Variants in NFIA observed in about 807,000 individuals in gnomAD.
NFIA encodes nuclear factor 1 A-type.
A neutral mutation model predicts 62.8 loss-of-function variants in NFIA; 8 were observed. The ratio of observed to expected loss-of-function variants is 0.13; its 90% CI spans 0.07 to 0.23. The LOEUF (loss-of-function observed/expected upper bound fraction) is 0.23. NFIA is among the 10% of genes least tolerant of loss of function. NFIA has a pLI of 1.00. For synonymous variants in NFIA, 235 were observed against 238.1 expected (o/e 0.99, Z 0.12); for missense variants, 410 against 642.1 (o/e 0.64, Z 3.91).
At chr1:61,389,089 G>T (rs1281433456) in intron 7 of NFIA, among the ~76,000 whole-genome samples, 1 of 152,152 alleles carries the variant, frequency 6.6e-6, no homozygotes, top group South Asian at 2.1e-4. Context: ...CTGAGCAACA[G>T]AGAAAGACCC....
chr1:61,324,902 C>T (rs867636762), intron 3 of NFIA, among the ~76,000 whole-genome samples: 3 of 152,176 alleles, frequency 2.0e-5, no homozygotes, highest in Admixed American at 1.3e-4. Flanking sequence ...GTATGACTGA[C>T]TCCAAGGTAT....
At chr1:61,278,680 A>G (rs1001720222) in intron 3 of NFIA, among the ~76,000 whole-genome samples, 1 of 152,170 alleles carries the variant, frequency 6.6e-6, no homozygotes. Context: ...AATCCCAGCT[A>G]CTTGGGAGGC....
At chr1:61,347,237 G>T (rs1452727600) in intron 4 of NFIA, among the ~76,000 whole-genome samples, 1 of 127,326 alleles carries the variant, frequency 7.9e-6, no homozygotes, top group Admixed American at 1.0e-4. Context: ...GCAGTGGCAC[G>T]ATCTGGGCTC....
chr1:61,231,523 A>C (rs1654668027), intron 2 of NFIA, among the ~76,000 whole-genome samples: 1 of 151,554 alleles, frequency 6.6e-6, no homozygotes, highest in South Asian at 2.1e-4. Context: ...TGTAAAATTC[A>C]GATCCATTCA....
chr1:61,385,797 A>G (rs938690695), intron 7 of NFIA: 1 of 152,166 alleles, frequency 6.6e-6, no homozygotes, highest in Non-Finnish European at 1.5e-5. Context: ...CATTCATAAA[A>G]CTGTGTTTGA....
Position 61,088,264 on chromosome 1 carries a change from T to C in NFIA, c.143T>C (p.Met48Thr). 6.2e-7 allele frequency: 1 copy of C among 1,613,456 alleles called. No homozygotes were observed. Among genetic ancestry groups the C allele is most frequent in the African/African-American group, 1.3e-5 (1 of 74,778 alleles). ...TACTTCAAAAAACATGAAAAGCGTATGTCAAAAGAAGAAGAGAGAGCCGTG... is the reference window on the plus strand; with the variant it reads ...TACTTCAAAAAACATGAAAAGCGTACGTCAAAAGAAGAAGAGAGAGCCGTG... ...RKYFKKHEKRMSKEEERAVKD... is the reference protein window; with the variant it reads ...RKYFKKHEKRTSKEEERAVKD... The change falls in exon 2 of 11, where the codon ATG (methionine) becomes ACG (threonine). Residue 48 changes from methionine to threonine, a missense_variant. Transcript: ENST00000403491. The surrounding 1 kb of genome is among the most constrained non-coding windows in gnomAD (Gnocchi z 4.5).
intron 3 of NFIA, among the ~76,000 whole-genome samples, chr1:61,285,441 C>T (rs1407943871): frequency 1.3e-5 from 2 of 152,190 alleles, no homozygotes; most frequent in African/African-American, 2.4e-5. Flanking sequence ...TATTAGTAAA[C>T]TGAATGTAAT....
At chr1:61,191,827 C>T (rs1163272952) in intron 2 of NFIA, among the ~76,000 whole-genome samples, 2 of 147,780 alleles carry the variant, frequency 1.4e-5, no homozygotes, top group Admixed American at 6.7e-5. Context: ...CTTCTAGATG[C>T]TAAGTAACTC....
At chr1:61,343,238 A>G (rs1454690013) in intron 4 of NFIA, among the ~76,000 whole-genome samples, 1 of 152,244 alleles carries the variant, frequency 6.6e-6, no homozygotes, top group African/African-American at 2.4e-5. Flanking sequence ...AAGCCTGAAT[A>G]CACTTAATTT....
At chr1:61,319,751 T>C (rs1223365747) in intron 3 of NFIA, among the ~76,000 whole-genome samples, 2 of 150,380 alleles carry the variant, frequency 1.3e-5, no homozygotes, top group African/African-American at 4.9e-5. Context: ...AGAATGGATA[T>C]GGAAGAAATC....
At chr1:61,225,415 T>A (rs1411304187) in intron 2 of NFIA, among the ~76,000 whole-genome samples, 1 of 152,074 alleles carries the variant, frequency 6.6e-6, no homozygotes, top group Non-Finnish European at 1.5e-5. Context: ...CATGCCCAGC[T>A]AATTTTTGTA....
In NFIA at chr1:61,331,803, T is replaced by C. The variant is rs565116719; in HGVS notation, c.626-709T>C. Among the ~76,000 whole-genome samples the C allele has an allele frequency of 1.5e-4, 23 of 152,226 alleles. 1 individual carries two copies. Among genetic ancestry groups the C allele is most frequent in the African/African-American group, 5.3e-4 (22 of 41,534 alleles). On this transcript the variant is annotated intron_variant, in intron 3 of 10. Coordinates refer to ENST00000403491, the MANE Select transcript of NFIA (RefSeq NM_001134673.4). ...AGTTGGTGATCGACATAATACCAGG[T>C]GTCTTAAAGGGAATTAATTGCATCC...
rs529976028 is a variant in NFIA, at chr1:61,084,434, T to C, written c.27+1616T>C. ...TAGTTACTGTAAAAGTTTTTTTTTT[T>C]TTTCCTAACAAACTTCCAAAGTTCC... On this transcript the variant is annotated intron_variant, in intron 1 of 10. Transcript: ENST00000403491. 6.6e-5 allele frequency among the ~76,000 whole-genome samples: 10 copies of C among 152,294 alleles called. No homozygotes were observed. The South Asian group carries it at 1.2e-3, about 19-fold the overall frequency.
intron 2 of NFIA, among the ~76,000 whole-genome samples, chr1:61,119,918 G>C (rs368224987): frequency 6.6e-6 from 1 of 152,124 alleles, no homozygotes; most frequent in Non-Finnish European, 1.5e-5. Flanking sequence ...CTTTGATATT[G>C]TTTGAAAAAT....
intron 5 of NFIA, among the ~76,000 whole-genome samples, chr1:61,357,163 A>G (rs11207726): frequency 0.036 from 5,516 of 152,292 alleles, 332 homozygotes; most frequent in African/African-American, 0.13. Context: ...CAGTTCTCTG[A>G]ACATATCACA....
chr1:61,452,949 G>A (rs970276780), intron 10 of NFIA, among the ~76,000 whole-genome samples: 6 of 152,212 alleles, frequency 3.9e-5, no homozygotes, highest in African/African-American at 7.2e-5. Context: ...AAAAAGAGGT[G>A]GGGGGCTGAT....
intron 2 of NFIA, among the ~76,000 whole-genome samples, chr1:61,096,856 AT>A (rs1200369317): frequency 2.0e-5 from 3 of 152,022 alleles, no homozygotes; most frequent in Admixed American, 2.0e-4. Flanking sequence ...TGGCGACAAG[AT>A]TAGTTCTTAA....
Position 61,427,127 on chromosome 1 carries a change from A to G in NFIA, c.1512+571A>G, listed in dbSNP as rs139800919. ...GTGCGGTGGGTGGCAAGGGGTGTGT[A>G]TGAGTCATATCTGAAGCAGGTGATT... is the stretch of plus-strand genomic sequence containing the variant. On this transcript the variant is annotated intron_variant, in intron 10 of 10. Transcript: ENST00000403491. 3.1e-3 allele frequency among the ~76,000 whole-genome samples: 470 copies of G among 152,256 alleles called. 2 individuals carry two copies. Among genetic ancestry groups the G allele is most frequent in the African/African-American group, 0.011 (455 of 41,532 alleles).
At position 61,323,490 on chromosome 1, in the gene NFIA, C is replaced by CT. The variant is rs374355894; in HGVS notation, c.626-9016dup. Among the ~76,000 whole-genome samples the CT allele has an allele frequency of 1.3e-3, 198 of 152,234 alleles. No individual in the cohort carries two copies. In the Middle Eastern group the frequency reaches 0.037, roughly 29 times the overall value. On this transcript the variant is annotated intron_variant, in intron 3 of 10. Coordinates refer to ENST00000403491, the MANE Select transcript of NFIA (RefSeq NM_001134673.4). ...TATGTACTTTTATTGCTCCTGTGTT[C>CT]TTTTTTAGATATCTGAATTTTTGCA...
Sources: gnomAD v4.1 joint callset for allele counts (sites outside exome capture counted in the v4.1 genomes callset) on GRCh38, gnomAD v4.1.1 for gene constraint, Gnocchi (gnomAD v3.1) non-coding constraint, MANE v1.5 for transcripts, NCBI Gene and HGNC (gene_info 2026-07-23, HGNC 2026-07-21) for gene names.